The following ADAM12 variants were observed in gnomAD, a reference collection of about 807,000 sequenced individuals.
ADAM12 encodes ADAM metallopeptidase domain 12, also known as disintegrin and metalloproteinase domain-containing protein 12.
ADAM12 carries 70 observed loss-of-function variants against 106.4 expected under a neutral mutation model. The observed-to-expected ratio is 0.66, with a 90% confidence interval of 0.54 to 0.80. The LOEUF is 0.80. ADAM12 is among the 30% of genes least tolerant of loss of function. The pLI, the probability that ADAM12 is intolerant of heterozygous loss-of-function variation, is 0.00. For missense variants in ADAM12, 1,010 were observed against 1,171.9 expected, an observed-to-expected ratio of 0.86 and a Z score of 2.02; for synonymous variants, 420 against 433.5, an observed-to-expected ratio of 0.97 and a Z score of 0.39.
chr10:126,311,723 TGTGCCAGGAGGGTG>T (rs531482973), intron 2 of ADAM12, among the ~76,000 whole-genome samples: 1 of 152,190 alleles, frequency 6.6e-6, no homozygotes, highest in South Asian at 2.1e-4. Context: ...AACACATCCA[TGTGCCAGGAGGGTG>T]GTGCACTGCA....
At chr10:126,074,576 A>C (rs1955061619) in intron 11 of ADAM12, among the ~76,000 whole-genome samples, 2 of 152,186 alleles carry the variant, frequency 1.3e-5, no homozygotes, top group Non-Finnish European at 2.9e-5. Context: ...GTGTTGTCAG[A>C]CTGTATAGTG....
chr10:126,361,409 A>AT (rs947317255), intron 1 of ADAM12, among the ~76,000 whole-genome samples: 7 of 148,280 alleles, frequency 4.7e-5, no homozygotes, highest in Non-Finnish European at 3.0e-5. Flanking sequence ...GTCCAATGTG[A>AT]TTTTTTATAG....
At position 126,038,490 on chromosome 10, in the gene ADAM12, A is replaced by G. The variant is rs928008538; in HGVS notation, c.2241-141T>C. ...AAACATGCAAAGGAAAAATTACCTA[A>G]TAACACTCTTAGGAGATTAAAAAAT... On this transcript the variant is annotated intron_variant, in intron 19 of 22. Coordinates refer to ENST00000448723, the MANE Select transcript of ADAM12 (RefSeq NM_001288973.2). 8 of 602,272 alleles carry G rather than the reference A, an allele frequency of 1.3e-5. No individual in the cohort carries two copies. In the Admixed American group the frequency reaches 2.8e-4, roughly 21 times the overall value. The allele number at this position is 602,272 out of a possible 1,614,324, so 37.3% of individuals were successfully genotyped here.
intron 8 of ADAM12, among the ~76,000 whole-genome samples, chr10:126,104,930 G>C (rs1307690186): frequency 6.6e-6 from 1 of 152,220 alleles, no homozygotes; most frequent in Non-Finnish European, 1.5e-5. Context: ...CATTTGTAGA[G>C]TTGAAAAACT....
chr10:126,163,728 A>G (rs1300696282), intron 3 of ADAM12, among the ~76,000 whole-genome samples: 3 of 152,238 alleles, frequency 2.0e-5, no homozygotes, highest in African/African-American at 7.2e-5. Context: ...AGGATTCTGT[A>G]ACAAGACTTT....
intron 3 of ADAM12, among the ~76,000 whole-genome samples, chr10:126,244,673 G>A (rs1293899015): frequency 1.3e-5 from 2 of 152,140 alleles, no homozygotes; most frequent in East Asian, 3.9e-4. Context: ...GACACTAAAT[G>A]TCATATCTCA....
chr10:126,298,929 A>G (rs1364092452), intron 2 of ADAM12, among the ~76,000 whole-genome samples: 1 of 152,348 alleles, frequency 6.6e-6, no homozygotes, highest in Non-Finnish European at 1.5e-5. Flanking sequence ...CTTAACATTA[A>G]AGGTGAAATA....
At chr10:126,207,627 C>T (rs1030517187) in intron 3 of ADAM12, among the ~76,000 whole-genome samples, 1 of 150,500 alleles carries the variant, frequency 6.6e-6, no homozygotes, top group Non-Finnish European at 1.5e-5. Flanking sequence ...TATACTGACT[C>T]ATATAGCAAT....
chr10:126,207,094 A>T (rs1957812968), intron 3 of ADAM12, among the ~76,000 whole-genome samples: 1 of 152,138 alleles, frequency 6.6e-6, no homozygotes, highest in African/African-American at 2.4e-5. Context: ...TTTCTTTTGT[A>T]AATTGTCCAG....
chr10:126,198,231 C>A (rs1957633706), intron 3 of ADAM12, among the ~76,000 whole-genome samples: 1 of 152,236 alleles, frequency 6.6e-6, no homozygotes. Flanking sequence ...GACGCCCATG[C>A]TCTCCGGCAT....
At chr10:126,019,548 T>A (rs1438222781) in intron 22 of ADAM12, 147 bp downstream of exon 22, 3 of 1,069,716 alleles carry the variant, frequency 2.8e-6, no homozygotes, top group Non-Finnish European at 3.9e-6. Flanking sequence ...CTGGTAATTG[T>A]CATGTCTATT....
Position 126,109,849 on chromosome 10 carries a change from AG to A in ADAM12, c.604-10del. On this transcript the variant is annotated splice_polypyrimidine_tract_variant and intron_variant, in intron 6 of 22. Coordinates refer to ENST00000448723, the MANE Select transcript of ADAM12 (RefSeq NM_001288973.2). ...AGGGTCTCTCTTTTATGCTGCCAAG[AG>A]TAAACATGCACTTAATCTCTCTTAA... 6.2e-7 allele frequency: 1 copy of A among 1,612,262 alleles called. No individual in the cohort carries two copies. Among genetic ancestry groups the A allele is most frequent in the Admixed American group, 1.7e-5 (1 of 59,922 alleles).
At chr10:126,115,459 C>T (rs529763058) in intron 6 of ADAM12, among the ~76,000 whole-genome samples, 14 of 152,146 alleles carry the variant, frequency 9.2e-5, no homozygotes, top group Non-Finnish European at 1.8e-4. Context: ...CTGACTGTGA[C>T]GCTCCCTGTT....
chr10:126,384,813 A>G (rs1856605789), intron 1 of ADAM12, among the ~76,000 whole-genome samples: 1 of 152,212 alleles, frequency 6.6e-6, no homozygotes, highest in African/African-American at 2.4e-5. Context: ...GTTCTTCAGT[A>G]GAGATCAACT....
Position 126,038,311 on chromosome 10 carries a change from G to T in ADAM12, c.2279C>A (p.Pro760His), listed in dbSNP as rs1170725289. The change falls in exon 20 of 23, where the codon CCC (proline) becomes CAC (histidine). Residue 760 changes from proline (P) to histidine (H), a missense_variant. By Grantham distance (77) the Pro-to-His change is moderately conservative. Coordinates refer to ENST00000448723, the MANE Select transcript of ADAM12 (RefSeq NM_001288973.2). ...RPSRPPRGFQ[P>H]CQAHLGHLGK... is the part of the protein sequence containing the mutation. The stretch of plus-strand genomic sequence containing the variant: ...AAGGTGGCCGAGGTGAGCCTGACAG[G>T]GTTGGAAGCCACGGGGTGGCCGGGA... 1.2e-6 allele frequency: 2 copies of T among 1,609,584 alleles called. No individual in the cohort carries two copies. Among genetic ancestry groups the T allele is most frequent in the South Asian group, 2.2e-5 (2 of 90,450 alleles).
rs117469207 is a variant in ADAM12, at chr10:126,181,704, A to T, written c.261-26399T>A. Among the ~76,000 whole-genome samples the T allele has an allele frequency of 1.8e-3, 268 of 152,310 alleles. 7 individuals carry two copies. In the South Asian group the frequency reaches 0.027, roughly 15 times the overall value. On this transcript the variant is annotated intron_variant, in intron 3 of 22. Coordinates refer to ENST00000448723, the MANE Select transcript of ADAM12 (RefSeq NM_001288973.2). ...AGGCAGAAGAGAGGCATACTGTGGG[A>T]TTCCACCTCCATTTCTCAGTTGGTT... is the stretch of plus-strand genomic sequence containing the variant.
chr10:126,165,608 T>C (rs984852892), intron 3 of ADAM12, among the ~76,000 whole-genome samples: 2 of 152,204 alleles, frequency 1.3e-5, no homozygotes, highest in Non-Finnish European at 2.9e-5. Flanking sequence ...CCCTGGAGAC[T>C]AAACTTGACT....
chr10:126,181,991 G>A (rs529491910), intron 3 of ADAM12, among the ~76,000 whole-genome samples: 5 of 152,300 alleles, frequency 3.3e-5, no homozygotes, highest in African/African-American at 1.2e-4. Flanking sequence ...TGGTAGCAGA[G>A]GACATCCTTC....
chr10:126,106,010 C>A (rs1225303492), intron 8 of ADAM12, among the ~76,000 whole-genome samples: 1 of 152,186 alleles, frequency 6.6e-6, no homozygotes, highest in Admixed American at 6.5e-5. Context: ...GAGTGGCAAA[C>A]CCAGATCTCT....
Sources: gnomAD v4.1 joint callset for allele counts (sites outside exome capture counted in the v4.1 genomes callset) on GRCh38, gnomAD v4.1.1 for gene constraint, MANE v1.5 for transcripts, NCBI Gene and HGNC (gene_info 2026-07-23, HGNC 2026-07-21) for gene names.